APBA1: variants seen among roughly 807,000 people sequenced by gnomAD.
APBA1 encodes amyloid-beta A4 precursor protein-binding family A member 1.
A neutral mutation model predicts 86.6 loss-of-function variants in APBA1; 55 were observed. The observed-to-expected ratio is 0.64, with a 90% confidence interval of 0.51 to 0.80. The LOEUF (loss-of-function observed/expected upper bound fraction) is 0.80, where lower values mean the gene tolerates loss of function less well. Among genes scored for constraint, APBA1 ranks in the 30% least tolerant of loss-of-function variants. The pLI, the probability that APBA1 is intolerant of heterozygous loss-of-function variation, is 0.00. For missense variants in APBA1, 1,090 were observed against 1,183.0 expected, an observed-to-expected ratio of 0.92 and a Z score of 1.15; for synonymous variants, 511 against 493.9, an observed-to-expected ratio of 1.03 and a Z score of -0.46.
chr9:69,464,474 C>T (rs952223109), intron 5 of APBA1: 1 of 152,206 alleles, frequency 6.6e-6, no homozygotes, highest in African/African-American at 2.4e-5. Flanking sequence ...AATGCCTATT[C>T]TGCTCTAGGC....
intron 1 of APBA1, among the ~76,000 whole-genome samples, chr9:69,602,894 C>G (rs1412251064): frequency 2.0e-4 from 30 of 151,954 alleles, no homozygotes; most frequent in Admixed American, 2.0e-3. Flanking sequence ...ATCTGGCAAA[C>G]AAAAAAATAC....
At chr9:69,498,334 C>G (rs1339987043) in intron 2 of APBA1, among the ~76,000 whole-genome samples, 1 of 152,038 alleles carries the variant, frequency 6.6e-6, no homozygotes, top group Non-Finnish European at 1.5e-5. Flanking sequence ...TGAGTCCTGC[C>G]CCACAAGCAT....
At chr9:69,584,376 T>A (rs1275363195) in intron 1 of APBA1, among the ~76,000 whole-genome samples, 1 of 152,218 alleles carries the variant, frequency 6.6e-6, no homozygotes, top group East Asian at 1.9e-4. Flanking sequence ...ATTAAGCCTA[T>A]GAAGCAGTCA....
intron 1 of APBA1, among the ~76,000 whole-genome samples, chr9:69,580,059 G>A (rs1821884604): frequency 6.6e-6 from 1 of 152,186 alleles, no homozygotes; most frequent in Non-Finnish European, 1.5e-5. Context: ...TTTAACAACA[G>A]ATGTTTACTG....
chr9:69,518,075 A>G (rs1271793543), intron 1 of APBA1, among the ~76,000 whole-genome samples: 1 of 152,190 alleles, frequency 6.6e-6, no homozygotes, highest in Admixed American at 6.5e-5. Flanking sequence ...AGGCTTCCCT[A>G]TTGCGCACTC....
At chr9:69,603,955 C>T (rs4409461) in intron 1 of APBA1, among the ~76,000 whole-genome samples, 147,664 of 152,324 alleles carry the variant, frequency 0.97, 71,746 homozygotes, top group East Asian at 1. Flanking sequence ...CAATATTACA[C>T]AGTAGAAAAT....
intron 1 of APBA1, among the ~76,000 whole-genome samples, chr9:69,648,958 A>G (rs778640991): frequency 1.3e-5 from 2 of 152,130 alleles, no homozygotes; most frequent in Non-Finnish European, 2.9e-5. Context: ...TCCTTATTTC[A>G]GTAACTGGAA....
At chr9:69,532,509 G>T (rs558078421) in intron 1 of APBA1, among the ~76,000 whole-genome samples, 1 of 152,200 alleles carries the variant, frequency 6.6e-6, no homozygotes, top group East Asian at 1.9e-4. Context: ...GCTATCTCTG[G>T]AGCCTCCTGC....
intron 1 of APBA1, among the ~76,000 whole-genome samples, chr9:69,664,716 A>G (rs1361752788): frequency 6.6e-6 from 1 of 152,184 alleles, no homozygotes; most frequent in Non-Finnish European, 1.5e-5. Context: ...AGTTGACATA[A>G]AGTCTTTTTA....
chr9:69,621,370 G>A (rs1822815195), intron 1 of APBA1, among the ~76,000 whole-genome samples: 1 of 152,124 alleles, frequency 6.6e-6, no homozygotes, highest in Admixed American at 6.5e-5. Context: ...CCAAACCTGT[G>A]GCCTCTCTGT....
chr9:69,557,595 T>C (rs112666656), intron 1 of APBA1, among the ~76,000 whole-genome samples: 4 of 152,270 alleles, frequency 2.6e-5, no homozygotes, highest in African/African-American at 9.6e-5. Flanking sequence ...CAGATATCAA[T>C]GAGTGGTCGA....
At chr9:69,435,207 G>C (rs570340538) in intron 11 of APBA1, among the ~76,000 whole-genome samples, 1 of 151,902 alleles carries the variant, frequency 6.6e-6, no homozygotes, top group Non-Finnish European at 1.5e-5. Context: ...TTGGACATTT[G>C]GGTTGGTTCC....
rs572962651 is a variant in APBA1, at chr9:69,658,559, T to C, written c.-70+13594A>G. Among the ~76,000 whole-genome samples, 322 of 111,272 alleles carry C rather than the reference T, an allele frequency of 2.9e-3. 5 individuals carry two copies. The highest frequency in any genetic ancestry group is 9.3e-4 in the Non-Finnish European group (49 of 52,708). The allele number at this position is 111,272 out of a possible 152,430, so 73.0% of individuals were successfully genotyped here. On this transcript the variant is annotated intron_variant, in intron 1 of 12. Transcript: ENST00000265381. ...CTGGGATTACAGGCGTGCACCACCA[T>C]GCCCAGCTAATTTTTTTTTTTTTTC...
intron 1 of APBA1, among the ~76,000 whole-genome samples, chr9:69,552,907 C>CT (rs34026305): frequency 0.65 from 88,023 of 135,368 alleles, 29,205 homozygotes; most frequent in East Asian, 0.85. Context: ...CTTTCTTGGG[C>CT]TTTTTTTTTT....
At position 69,574,328 on chromosome 9, in the gene APBA1, C is replaced by T. The variant is rs1315783870; in HGVS notation, c.-69-57049G>A. Among the ~76,000 whole-genome samples, 4 of 152,176 alleles carry T rather than the reference C, an allele frequency of 2.6e-5. No individual in the cohort carries two copies. The East Asian group carries it at 7.7e-4, about 29-fold the overall frequency. On this transcript the variant is annotated intron_variant, in intron 1 of 12. Coordinates refer to ENST00000265381, the MANE Select transcript of APBA1 (RefSeq NM_001163.4). ...CTATTACGACAGAGCCTCATTTTGTCCTATCTCTAATGCAGTGATTGCTTC... is the reference window on the plus strand; with the variant it reads ...CTATTACGACAGAGCCTCATTTTGTTCTATCTCTAATGCAGTGATTGCTTC...
intron 1 of APBA1, among the ~76,000 whole-genome samples, chr9:69,604,132 G>A (rs1184475884): frequency 6.6e-6 from 1 of 152,238 alleles, no homozygotes; most frequent in Non-Finnish European, 1.5e-5. Context: ...GAGTATAATA[G>A]GTCAAAAGAA....
chr9:69,488,427 T>C (rs1482201421), intron 2 of APBA1, among the ~76,000 whole-genome samples: 1 of 152,160 alleles, frequency 6.6e-6, no homozygotes, highest in Non-Finnish European at 1.5e-5. Context: ...ACCTAGATGT[T>C]GATAGTCAAA....
chr9:69,485,768 T>C (rs1010863772), intron 2 of APBA1, among the ~76,000 whole-genome samples: 2 of 152,084 alleles, frequency 1.3e-5, no homozygotes, highest in African/African-American at 4.8e-5. Flanking sequence ...TCTAGCAGAT[T>C]CTCTACAGCT....
At chr9:69,453,718 CCT>C (rs1255386555) in intron 8 of APBA1, among the ~76,000 whole-genome samples, 1 of 152,184 alleles carries the variant, frequency 6.6e-6, no homozygotes, top group East Asian at 1.9e-4. Context: ...GCCATAACCC[CCT>C]GACGGTCTGG....
Sources: allele counts gnomAD v4.1 joint callset (sites outside exome capture counted in the v4.1 genomes callset), GRCh38; gene constraint gnomAD v4.1.1; transcripts MANE v1.5; gene names NCBI Gene and HGNC (gene_info 2026-07-23, HGNC 2026-07-21).